Variants in NCAN observed in about 807,000 individuals in gnomAD.
NCAN encodes the protein neurocan.
NCAN carries 47 observed loss-of-function variants against 121.8 expected under a neutral mutation model. The observed-to-expected ratio is 0.39, with a 90% confidence interval of 0.31 to 0.49. The LOEUF (loss-of-function observed/expected upper bound fraction) is 0.49. Among genes scored for constraint, NCAN ranks in the 20% least tolerant of loss-of-function variants. NCAN has a pLI of 0.92. For synonymous variants in NCAN, 633 were observed against 702.0 expected (o/e 0.90, Z 1.55); for missense variants, 1,517 against 1,773.4 (o/e 0.86, Z 2.60).
intron 13 of NCAN, among the ~76,000 whole-genome samples, 163 bp from the exon 14 acceptor site, chr19:19,248,537 A>G (rs1481234992): frequency 2.0e-5 from 3 of 152,106 alleles, no homozygotes; most frequent in Non-Finnish European, 4.4e-5. Context: ...AGGCAGGAGA[A>G]TCGCTTGAAC....
chr19:19,224,041 T>A lies in NCAN; in HGVS notation c.496T>A (p.Ser166Thr). ...CACAGGTGTTGTGTTCCACTACCGA[T>A]CAGCCCGGGACCGCTATGCACTGAC... Reference protein sequence around the residue: ...EVTGVVFHYRSARDRYALTFA... With the variant: ...EVTGVVFHYRTARDRYALTFA... Residue 166 changes from serine (S) to threonine (T), a missense_variant, in exon 4 of 15, where the codon TCA becomes ACA. Ser to Thr is a moderately conservative substitution (Grantham distance 58). Transcript: ENST00000252575. 1.3e-6 allele frequency: 2 copies of A among 1,533,588 alleles called. No homozygotes were observed. The highest frequency in any genetic ancestry group is 1.8e-6 in the Non-Finnish European group (2 of 1,135,550). 95.0% of individuals were successfully genotyped at this position (1,533,588 alleles called of 1,614,324 possible).
In NCAN at chr19:19,213,505, TGG is replaced by T. The variant is rs11334445; in HGVS notation, c.-8+1453_-8+1454del. ...TGTTCCGTTCATCAAGGGGTTTATG[TGG>T]GGGGGGGGGGGCCCGAGACTGTGGG... is the stretch of plus-strand genomic sequence containing the variant. On this transcript the variant is annotated intron_variant, in intron 1 of 14. Coordinates refer to ENST00000252575, the MANE Select transcript of NCAN (RefSeq NM_004386.3). Among the ~76,000 whole-genome samples, 201 of 49,566 alleles carry T rather than the reference TGG, an allele frequency of 4.1e-3. 2 individuals carry two copies. The highest frequency in any genetic ancestry group is 9.6e-3 in the South Asian group (14 of 1,456). The allele number at this position is 49,566 out of a possible 152,430, so 32.5% of individuals were successfully genotyped here. A position where few individuals can be genotyped will look rare whatever the true frequency, so the allele number is the denominator to read the frequency against.
chr19:19,235,051 G>A lies in NCAN; in HGVS notation c.3205G>A (p.Val1069Ile). ...CTGTATTGATGAGGTCAATGGCTTT[G>A]TCTGCCTTTGCCTCCCCAGCTATGG... ...GTCIDEVNGF[V>I]CLCLPSYGGS... The change falls in exon 10 of 15, where the codon GTC becomes ATC. Residue 1069 changes from valine (V) to isoleucine (I), a missense_variant. Val to Ile is a conservative substitution (Grantham distance 29, BLOSUM62 3). Coordinates refer to ENST00000252575, the MANE Select transcript of NCAN (RefSeq NM_004386.3). The A allele has an allele frequency of 6.2e-7, 1 of 1,612,916 alleles. No homozygotes were observed. The highest frequency in any genetic ancestry group is 8.5e-7 in the Non-Finnish European group (1 of 1,179,168).
rs1259848797 is a variant in NCAN at position 19,226,768 on chromosome 19, C to T, written c.1355C>T (p.Ala452Val). The T allele has an allele frequency of 2.5e-6, 4 of 1,613,086 alleles. No individual in the cohort carries two copies. The highest frequency in any genetic ancestry group is 2.2e-5 in the South Asian group (2 of 91,054). ...GGGGAAGTGTGGCTAAGCACGGTGG[C>T]CCCCAGCCCTAGCGACATGGGGGCA... is the stretch of plus-strand genomic sequence containing the variant. ...PTGEVWLSTV[A>V]PSPSDMGAGT... The change falls in exon 7 of 15, where the codon GCC becomes GTC. Residue 452 changes from alanine (A) to valine (V), a missense_variant. By Grantham distance (64) the Ala-to-Val change is moderately conservative. Coordinates refer to ENST00000252575, the MANE Select transcript of NCAN (RefSeq NM_004386.3).
At position 19,225,180 on chromosome 19, in the gene NCAN, C is replaced by G. The variant is rs1156851993; in HGVS notation, c.982C>G (p.Pro328Ala). The change falls in exon 6 of 15, where the codon CCA becomes GCA. Residue 328 changes from proline to alanine, a missense_variant. Coordinates refer to ENST00000252575, the MANE Select transcript of NCAN (RefSeq NM_004386.3). The surrounding 1 kb of genome is among the most constrained non-coding windows in gnomAD (Gnocchi z 4.0). Reference sequence around the variant, plus strand: ...GACGCCGCGCCGGCGCTGCGGGGGCCCAGCCCCGGGCGTGCGCACCGTCTA... The same window carrying G: ...GACGCCGCGCCGGCGCTGCGGGGGCGCAGCCCCGGGCGTGCGCACCGTCTA... ...IQTPRRRCGGPAPGVRTVYRF... is the reference protein window; with the variant it reads ...IQTPRRRCGGAAPGVRTVYRF... 1 of 1,544,518 alleles carries G rather than the reference C, an allele frequency of 6.5e-7. No homozygotes were observed. Among genetic ancestry groups the G allele is most frequent in the East Asian group, 2.5e-5 (1 of 40,150 alleles).
intron 12 of NCAN, among the ~76,000 whole-genome samples, chr19:19,241,051 C>T (rs963264758): frequency 2.0e-5 from 3 of 151,656 alleles, no homozygotes; most frequent in Non-Finnish European, 2.9e-5. Flanking sequence ...AAGGTGGGCA[C>T]TTGAGACTAG....
chr19:19,225,384 AGCCACATCCCTGGGTGAGG>A lies in NCAN; in HGVS notation c.1072+120_1072+138del. On this transcript the variant is annotated intron_variant, in intron 6 of 14. Transcript: ENST00000252575. This position sits in a 1 kb window ranked among gnomAD's most constrained non-coding sequence, Gnocchi z 4.0. ...ACACATGGAAGCTCGCTTTGTGATA[AGCCACATCCCTGGGTGAGG>A]GCCACGCCCCCGGGTGAAGGCCACA... 1.5e-6 allele frequency: 2 copies of A among 1,293,314 alleles called. No individual in the cohort carries two copies. Among genetic ancestry groups the A allele is most frequent in the South Asian group, 1.6e-5 (1 of 60,736 alleles). The allele number at this position is 1,293,314 out of a possible 1,614,324, so 80.1% of individuals were successfully genotyped here. A position where few individuals can be genotyped will look rare whatever the true frequency, so the allele number is the denominator to read the frequency against.
chr19:19,216,826 C>A, intron 1 of NCAN, 121 bp from the exon 2 acceptor site: 1 of 518,824 alleles, frequency 1.9e-6, no homozygotes. Flanking sequence ...GAATAACACA[C>A]TGGTCTCTCT....
rs1038375908 is a variant in NCAN, at chr19:19,251,513, G to T, written c.*1602G>T. 1.3e-5 allele frequency: 2 copies of T among 152,094 alleles called. No individual in the cohort carries two copies. Among genetic ancestry groups the T allele is most frequent in the Non-Finnish European group, 2.9e-5 (2 of 68,012 alleles). 9.4% of individuals were successfully genotyped at this position (152,094 alleles called of 1,614,324 possible). ...GAGTAAGGATTTGGAATAAGGATTT[G>T]GTCCTGTTTTCTGGACCAAATCCTT... is the stretch of plus-strand genomic sequence containing the variant. On this transcript the variant is annotated 3_prime_UTR_variant, in exon 15 of 15. Transcript: ENST00000252575.
chr19:19,234,039 A>G, intron 9 of NCAN, 134 bp downstream of exon 9: 2 of 605,326 alleles, frequency 3.3e-6, no homozygotes. Context: ...CCCAAACCCC[A>G]CTCCTTGCAT....
Position 19,228,001 on chromosome 19 carries a change from C to T in NCAN, c.2381C>T (p.Ser794Phe), listed in dbSNP as rs763990427. ...TACAGCAAAGGGCTGGATGCAAGTT[C>T]CCCATCTGCCCCCCTGGGGAGCCCT... ...SVYSKGLDAS[S>F]PSAPLGSPGV... The change falls in exon 8 of 15, where the codon TCC (serine) becomes TTC (phenylalanine). Residue 794 changes from serine to phenylalanine, a missense_variant. Ser to Phe is a radical substitution (Grantham distance 155). Coordinates refer to ENST00000252575, the MANE Select transcript of NCAN (RefSeq NM_004386.3). The T allele has an allele frequency of 3.7e-6, 6 of 1,613,340 alleles. No homozygotes were observed. The highest frequency in any genetic ancestry group is 4.2e-6 in the Non-Finnish European group (5 of 1,179,990).
At chr19:19,214,293 C>T (rs2060788204) in intron 1 of NCAN, among the ~76,000 whole-genome samples, 1 of 152,188 alleles carries the variant, frequency 6.6e-6, no homozygotes, top group Admixed American at 6.5e-5. Flanking sequence ...CAGGCCCCTG[C>T]TTGCATATGC....
At chr19:19,249,130 G>T (rs2060937148) in intron 14 of NCAN, 1 of 429,782 alleles carries the variant, frequency 2.3e-6, no homozygotes. Context: ...AGGCTGGAGT[G>T]CAGTGGCACA....
chr19:19,243,348 T>C (rs1054288056), intron 12 of NCAN, among the ~76,000 whole-genome samples: 1 of 151,352 alleles, frequency 6.6e-6, no homozygotes, highest in Non-Finnish European at 1.5e-5. Flanking sequence ...AAACCCTGTG[T>C]CTACTAAAAA....
At position 19,240,623 on chromosome 19, in the gene NCAN, TGGA is replaced by T; in HGVS notation, c.3431_3433del (p.Trp1144_Ile1145delinsPhe). 1 of 1,614,066 alleles carries T rather than the reference TGGA, an allele frequency of 6.2e-7. No individual in the cohort carries two copies. Among genetic ancestry groups the T allele is most frequent in the Non-Finnish European group, 8.5e-7 (1 of 1,180,024 alleles). ...TGCAGGCTTTGGGCATGAAAACACG[TGGA>T]TCGGCCTGAACGACAGGATCGTGGA... On this transcript the variant is annotated inframe_deletion, in exon 12 of 15. Transcript: ENST00000252575.
At chr19:19,215,432 A>G (rs748032130) in intron 1 of NCAN, among the ~76,000 whole-genome samples, 1 of 152,152 alleles carries the variant, frequency 6.6e-6, no homozygotes, top group African/African-American at 2.4e-5. Flanking sequence ...GAAGTCAGGA[A>G]ATGCACTGCT....
rs183197841 is a variant in NCAN at position 19,240,489 on chromosome 19, G to C, written c.3410-114G>C. 2.4e-4 allele frequency: 228 copies of C among 946,262 alleles called. 1 individual carries two copies. In the African/African-American group the frequency reaches 3.3e-3, roughly 14 times the overall value. 58.6% of individuals were successfully genotyped at this position (946,262 alleles called of 1,614,324 possible). A position where few individuals can be genotyped will look rare whatever the true frequency, so the allele number is the denominator to read the frequency against. On this transcript the variant is annotated intron_variant, in intron 11 of 14. Coordinates refer to ENST00000252575, the MANE Select transcript of NCAN (RefSeq NM_004386.3). Reference sequence around the variant, plus strand: ...CCCCACCCAGCCCACCTCCAGGCTGGGGAAGGTGAGGAATTCTTTCCTCCC... The same window carrying C: ...CCCCACCCAGCCCACCTCCAGGCTGCGGAAGGTGAGGAATTCTTTCCTCCC...
Position 19,235,057 on chromosome 19 carries a change from C to G in NCAN, c.3211C>G (p.Leu1071Val). The G allele has an allele frequency of 1.2e-6, 2 of 1,612,878 alleles. No homozygotes were observed. The highest frequency in any genetic ancestry group is 1.1e-5 in the South Asian group (1 of 90,922). Reference sequence around the variant, plus strand: ...TGATGAGGTCAATGGCTTTGTCTGCCTTTGCCTCCCCAGCTATGGGGGCAG... The same window carrying G: ...TGATGAGGTCAATGGCTTTGTCTGCGTTTGCCTCCCCAGCTATGGGGGCAG... ...CIDEVNGFVCLCLPSYGGSFC... is the reference protein window; with the variant it reads ...CIDEVNGFVCVCLPSYGGSFC... Residue 1071 changes from leucine (L) to valine (V), a missense_variant, in exon 10 of 15, where the codon CTT becomes GTT. By Grantham distance (32) the Leu-to-Val change is conservative. Coordinates refer to ENST00000252575, the MANE Select transcript of NCAN (RefSeq NM_004386.3).
At position 19,225,421 on chromosome 19, in the gene NCAN, A is replaced by T; in HGVS notation, c.1072+151A>T. 1 of 1,027,468 alleles carries T rather than the reference A, an allele frequency of 9.7e-7. No homozygotes were observed. Among genetic ancestry groups the T allele is most frequent in the Non-Finnish European group, 1.3e-6 (1 of 750,232 alleles). 63.6% of individuals were successfully genotyped at this position (1,027,468 alleles called of 1,614,324 possible). A position where few individuals can be genotyped will look rare whatever the true frequency, so the allele number is the denominator to read the frequency against. On this transcript the variant is annotated intron_variant, in intron 6 of 14. Coordinates refer to ENST00000252575, the MANE Select transcript of NCAN (RefSeq NM_004386.3). The surrounding 1 kb of genome is among the most constrained non-coding windows in gnomAD (Gnocchi z 4.0). ...GGGTGAGGGCCACGCCCCCGGGTGA[A>T]GGCCACACCCGTTACGACAAGTCTT...
Sources: allele counts gnomAD v4.1 joint callset (sites outside exome capture counted in the v4.1 genomes callset), GRCh38; gene constraint gnomAD v4.1.1; non-coding constraint Gnocchi (gnomAD v3.1); transcripts MANE v1.5; gene names NCBI Gene and HGNC (gene_info 2026-07-23, HGNC 2026-07-21).